SNX30: variants seen among roughly 807,000 people sequenced by gnomAD.
SNX30 encodes the protein sorting nexin family member 30, also known as sorting nexin-30.
A neutral mutation model predicts 46.4 loss-of-function variants in SNX30; 24 were observed. The ratio of observed to expected loss-of-function variants is 0.52; its 90% confidence interval spans 0.37 to 0.73. SNX30 has a LOEUF of 0.73. Among genes scored for constraint, SNX30 ranks in the 30% least tolerant of loss-of-function variants. The pLI is 0.00. For synonymous variants in SNX30, 189 were observed against 211.5 expected (o/e 0.89, Z 0.92); for missense variants, 533 against 555.7 (o/e 0.96, Z 0.41).
At chr9:112,836,148 T>G in intron 4 of SNX30, 66 bp from the exon 5 acceptor site, 1 of 1,409,012 alleles carries the variant, frequency 7.1e-7, no homozygotes, top group South Asian at 1.5e-5. Flanking sequence ...TTTTAGAAGC[T>G]GTTTTATTTA....
At chr9:112,863,419 C>T (rs2182046) in intron 7 of SNX30, among the ~76,000 whole-genome samples, 112,467 of 152,176 alleles carry the variant, frequency 0.74, 41,669 homozygotes, top group South Asian at 0.78. Context: ...CTTTGGGAAG[C>T]GCTGCAGCCA....
At chr9:112,861,625 C>T (rs1057184005) in intron 7 of SNX30, among the ~76,000 whole-genome samples, 9 of 152,160 alleles carry the variant, frequency 5.9e-5, no homozygotes, top group Non-Finnish European at 8.8e-5. Flanking sequence ...GACTTTGGGA[C>T]GAGCCTCAGG....
chr9:112,813,469 ATTT>A (rs34581439), intron 2 of SNX30, among the ~76,000 whole-genome samples: 1 of 132,328 alleles, frequency 7.6e-6, no homozygotes, highest in Non-Finnish European at 1.6e-5. Flanking sequence ...ACTGTATTTA[ATTT>A]TTTTTTTTTT....
At chr9:112,758,957 G>A (rs968148510) in intron 1 of SNX30, among the ~76,000 whole-genome samples, 8 of 151,846 alleles carry the variant, frequency 5.3e-5, no homozygotes, top group African/African-American at 1.7e-4. Flanking sequence ...ACACACACAC[G>A]CGCGCACGTG....
At chr9:112,863,205 C>T (rs1459285301) in intron 7 of SNX30, among the ~76,000 whole-genome samples, 1 of 152,120 alleles carries the variant, frequency 6.6e-6, no homozygotes, top group Non-Finnish European at 1.5e-5. Flanking sequence ...TAAACCTCCT[C>T]GATTGGTGGA....
chr9:112,835,824 G>A (rs1840742643), intron 4 of SNX30, among the ~76,000 whole-genome samples: 1 of 152,142 alleles, frequency 6.6e-6, no homozygotes, highest in Non-Finnish European at 1.5e-5. Context: ...ATAAATAAAT[G>A]AGTGATGGAT....
chr9:112,848,382 A>G (rs1165315256), intron 6 of SNX30, among the ~76,000 whole-genome samples: 1 of 152,026 alleles, frequency 6.6e-6, no homozygotes, highest in Non-Finnish European at 1.5e-5. Context: ...AAGGTGTCCC[A>G]ATGAGGGTGG....
chr9:112,817,734 A>G lies in SNX30; in HGVS notation c.378A>G (p.Glu126=), dbSNP rs1245150904. The change falls in exon 3 of 9, where the codon GAA becomes GAG. Residue 126 remains glutamate, a synonymous_variant. Transcript: ENST00000374232. ...KSTRVEFDLP[E]YSVRRRYQDF... ...CTCGGGTGGAGTTTGACCTGCCAGA[A>G]TATTCTGTTCGTCGAAGATACCAGG... The G allele has an allele frequency of 6.2e-7, 1 of 1,613,420 alleles. No homozygotes were observed. Among genetic ancestry groups the G allele is most frequent in the Non-Finnish European group, 8.5e-7 (1 of 1,179,452 alleles).
chr9:112,804,502 C>G (rs572757222), intron 1 of SNX30, among the ~76,000 whole-genome samples: 41 of 152,306 alleles, frequency 2.7e-4, no homozygotes, highest in African/African-American at 9.6e-4. Flanking sequence ...CCATTATGTT[C>G]TCTGCCCTTG....
intron 7 of SNX30, among the ~76,000 whole-genome samples, chr9:112,854,312 G>A (rs781627638): frequency 6.6e-6 from 1 of 152,174 alleles, no homozygotes; most frequent in African/African-American, 2.4e-5. Flanking sequence ...ACATTCCTGC[G>A]GGTCTGGGTG....
At chr9:112,850,815 T>G in intron 6 of SNX30, 44 bp from the exon 7 acceptor site, 1 of 1,474,686 alleles carries the variant, frequency 6.8e-7, no homozygotes, top group Non-Finnish European at 9.4e-7. Context: ...GGAGGCCCCT[T>G]TGTGGACTCA....
At chr9:112,787,437 G>T (rs1360441731) in intron 1 of SNX30, among the ~76,000 whole-genome samples, 5 of 152,130 alleles carry the variant, frequency 3.3e-5, no homozygotes, top group Admixed American at 3.3e-4. Context: ...CAGCCCCATA[G>T]GTAGGGTATG....
chr9:112,835,891 G>A (rs1004614864), intron 4 of SNX30, among the ~76,000 whole-genome samples: 3 of 152,054 alleles, frequency 2.0e-5, no homozygotes, highest in Non-Finnish European at 2.9e-5. Flanking sequence ...TACTTTGTAT[G>A]GGAGAAACAG....
In SNX30 at chr9:112,824,889, C is replaced by T. The variant is rs755187710; in HGVS notation, c.460-5836C>T. On this transcript the variant is annotated intron_variant, in intron 3 of 8. Coordinates refer to ENST00000374232, the MANE Select transcript of SNX30 (RefSeq NM_001012994.2). ...CTTTTAGTACATTCACGGTGTTGTA[C>T]GACCATCACCACCATTGAGTGTTGT... Among the ~76,000 whole-genome samples, 7 of 152,172 alleles carry T rather than the reference C, an allele frequency of 4.6e-5. 1 individual carries two copies. Among genetic ancestry groups the T allele is most frequent in the Non-Finnish European group, 8.8e-5 (6 of 68,002 alleles).
At chr9:112,854,862 A>G (rs1291355449) in intron 7 of SNX30, among the ~76,000 whole-genome samples, 2 of 152,152 alleles carry the variant, frequency 1.3e-5, no homozygotes, top group Non-Finnish European at 2.9e-5. Context: ...CCTCCCACAC[A>G]TGAGTGTTGT....
At chr9:112,778,145 G>A (rs551311706) in intron 1 of SNX30, among the ~76,000 whole-genome samples, 34 of 152,198 alleles carry the variant, frequency 2.2e-4, no homozygotes, top group African/African-American at 6.3e-4. Context: ...TACTCAAAGT[G>A]TTGTGGATGG....
At chr9:112,770,054 C>T (rs1839621050) in intron 1 of SNX30, among the ~76,000 whole-genome samples, 1 of 152,160 alleles carries the variant, frequency 6.6e-6, no homozygotes, top group South Asian at 2.1e-4. Flanking sequence ...CCGCCTGACT[C>T]GTCTTCCTGC....
chr9:112,780,203 A>G (rs192319242), intron 1 of SNX30, among the ~76,000 whole-genome samples: 2 of 152,362 alleles, frequency 1.3e-5, no homozygotes, highest in East Asian at 3.9e-4. Flanking sequence ...TTAAACATGT[A>G]CATGTATGTA....
chr9:112,805,046 C>A, intron 2 of SNX30, 79 bp downstream of exon 2: 2 of 1,127,052 alleles, frequency 1.8e-6, no homozygotes, highest in South Asian at 1.9e-5. Context: ...TTTGCCTTTG[C>A]TCTCCCCCTT....
Sources: allele counts gnomAD v4.1 joint callset (sites outside exome capture counted in the v4.1 genomes callset), GRCh38; gene constraint gnomAD v4.1.1; transcripts MANE v1.5; gene names NCBI Gene and HGNC (gene_info 2026-07-23, HGNC 2026-07-21).